The following EPM2A variants were observed in gnomAD, a reference collection of about 807,000 sequenced individuals.
EPM2A encodes the protein laforin.
Under a neutral mutation model 26.5 loss-of-function variants are expected in EPM2A, and 21 were observed. That is an observed-to-expected ratio of 0.79 (90% CI 0.56 to 1.14). The LOEUF (loss-of-function observed/expected upper bound fraction) is 1.14, where lower values mean the gene tolerates loss of function less well. Among genes scored for constraint, EPM2A ranks in the 50% most tolerant of loss-of-function variants. The pLI is 0.00. For synonymous variants in EPM2A, 217 were observed against 177.6 expected, an observed-to-expected ratio of 1.22 and a Z score of -1.76; for missense variants, 458 against 440.8, an observed-to-expected ratio of 1.04 and a Z score of -0.35.
chr6:145,554,181 A>G (rs1780690506), intron 2 of EPM2A, among the ~76,000 whole-genome samples: 1 of 151,966 alleles, frequency 6.6e-6, no homozygotes, highest in Non-Finnish European at 1.5e-5. Context: ...AGGGGAAATA[A>G]AAACATCCCC....
intron 1 of EPM2A, among the ~76,000 whole-genome samples, chr6:145,698,001 T>TCC (rs201790492): frequency 0.035 from 5,401 of 152,266 alleles, 144 homozygotes; most frequent in Middle Eastern, 0.13. Flanking sequence ...GTGATAAGTG[T>TCC]CCATGAAATC....
At chr6:145,470,392 T>A (rs138952146) in intron 4 of EPM2A, among the ~76,000 whole-genome samples, 66 of 152,300 alleles carry the variant, frequency 4.3e-4, no homozygotes, top group African/African-American at 1.5e-3. Context: ...TCATGCTGTA[T>A]GTAGTCCAAA....
intron 4 of EPM2A, among the ~76,000 whole-genome samples, chr6:145,389,172 G>A (rs1778303862): frequency 6.7e-6 from 1 of 149,976 alleles, no homozygotes; most frequent in Non-Finnish European, 1.5e-5. Flanking sequence ...TCCTCCCTTT[G>A]ACTTTTTTTC....
chr6:145,418,067 G>A (rs372500401), intron 4 of EPM2A, among the ~76,000 whole-genome samples: 30 of 152,244 alleles, frequency 2.0e-4, no homozygotes, highest in African/African-American at 6.5e-4. Context: ...TCAGATTCAT[G>A]AGAAGAAGAG....
chr6:145,450,750 T>C (rs1195770690), intron 4 of EPM2A, among the ~76,000 whole-genome samples: 1 of 152,196 alleles, frequency 6.6e-6, no homozygotes, highest in Non-Finnish European at 1.5e-5. Context: ...AGCAGCTCTG[T>C]CTTGTTTCCT....
At chr6:145,622,694 T>C (rs984891776), downstream of EPM2A, among the ~76,000 whole-genome samples, 2 of 152,158 alleles carry the variant, frequency 1.3e-5, no homozygotes, top group Non-Finnish European at 2.9e-5. Flanking sequence ...CACCAGAAGC[T>C]AGAATAGCGG....
chr6:145,527,993 T>G (rs1780302363), intron 2 of EPM2A, among the ~76,000 whole-genome samples: 1 of 152,138 alleles, frequency 6.6e-6, no homozygotes, highest in South Asian at 2.1e-4. Flanking sequence ...GGAAAAAGTT[T>G]TACAAGTCTG....
rs555897958 is a variant in EPM2A, at chr6:145,389,258, C to T, written c.556-5161G>A. ...CTCTGTCACGAGTGCAGTGGCACAT[C>T]GGCTCACTGCAATCTCCGTCTCCTG... is the stretch of plus-strand genomic sequence containing the variant. On this transcript the variant is annotated intron_variant, in intron 4 of 4. Coordinates refer to the EPM2A transcript ENST00000638717. 3.9e-4 allele frequency among the ~76,000 whole-genome samples: 58 copies of T among 150,596 alleles called. 1 individual carries two copies. Among genetic ancestry groups the T allele is most frequent in the African/African-American group, 8.8e-4 (36 of 40,846 alleles).
intron 2 of EPM2A, chr6:145,639,488 T>C (rs932738058): frequency 2.6e-5 from 4 of 152,142 alleles, no homozygotes; most frequent in African/African-American, 4.8e-5. Context: ...ATTAACTAGA[T>C]TGTGTAAGCA....
intron 4 of EPM2A, among the ~76,000 whole-genome samples, chr6:145,404,433 T>C (rs983926288): frequency 4.5e-4 from 65 of 144,276 alleles, no homozygotes; most frequent in African/African-American, 1.6e-3. Flanking sequence ...TAAATGTGTA[T>C]ATGCGTTTGT....
At chr6:145,654,647 C>T (rs976832783) in intron 2 of EPM2A, among the ~76,000 whole-genome samples, 4 of 152,064 alleles carry the variant, frequency 2.6e-5, no homozygotes, top group Admixed American at 1.3e-4. Context: ...TCCGCAGAAA[C>T]GGTAGGTATA....
chr6:145,727,494 A>C lies in EPM2A; in HGVS notation c.301+7704T>G, dbSNP rs1379563193. Among the ~76,000 whole-genome samples the C allele has an allele frequency of 2.0e-5, 3 of 152,006 alleles. No individual in the cohort carries two copies. The East Asian group carries it at 5.8e-4, about 29-fold the overall frequency. On this transcript the variant is annotated intron_variant, in intron 1 of 3. Transcript: ENST00000367519. ...ATTTAATTGAAAGCACCTAAGAAGTAATTAGCCCATGATAAAAAAAAAAAA... is the reference window on the plus strand; with the variant it reads ...ATTTAATTGAAAGCACCTAAGAAGTCATTAGCCCATGATAAAAAAAAAAAA...
intron 3 of EPM2A, among the ~76,000 whole-genome samples, chr6:145,634,346 GCTGCTTC>G (rs1368901295): frequency 6.6e-6 from 1 of 152,106 alleles, no homozygotes; most frequent in Non-Finnish European, 1.5e-5. Flanking sequence ...AGCCTGTGCT[GCTGCTTC>G]CCCCTAGCAT....
In EPM2A at chr6:145,512,387, G is replaced by T. The variant is rs1298281828; in HGVS notation, c.341-9812C>A. Among the ~76,000 whole-genome samples, 3 of 151,974 alleles carry T rather than the reference G, an allele frequency of 2.0e-5. No individual in the cohort carries two copies. The South Asian group carries it at 6.2e-4, about 32-fold the overall frequency. ...CAGCAACTAAAATACCATGGTACTG[G>T]TACTAAAATAGACACACAGATCAAT... On this transcript the variant is annotated intron_variant, in intron 2 of 3. Coordinates refer to the EPM2A transcript ENST00000450221.
At chr6:145,661,964 A>G (rs1778745159) in intron 2 of EPM2A, among the ~76,000 whole-genome samples, 1 of 152,228 alleles carries the variant, frequency 6.6e-6, no homozygotes, top group Non-Finnish European at 1.5e-5. Flanking sequence ...GCAATAAGAC[A>G]CACAAAAAGC....
At chr6:145,559,856 C>G (rs1780781200) in intron 2 of EPM2A, among the ~76,000 whole-genome samples, 1 of 151,906 alleles carries the variant, frequency 6.6e-6, no homozygotes, top group South Asian at 2.1e-4. Context: ...GTCACATAAC[C>G]CAAACTCTTC....
At chr6:145,643,343 A>G (rs997835416) in intron 2 of EPM2A, among the ~76,000 whole-genome samples, 3 of 152,190 alleles carry the variant, frequency 2.0e-5, no homozygotes, top group East Asian at 1.9e-4. Flanking sequence ...CCAAAACTTG[A>G]TAATATCAAG....
intron 4 of EPM2A, among the ~76,000 whole-genome samples, chr6:145,439,017 T>C (rs990354729): frequency 4.6e-5 from 7 of 152,182 alleles, no homozygotes; most frequent in African/African-American, 1.7e-4. Flanking sequence ...TTTCTCTCCA[T>C]GTGTTCTCAT....
intron 2 of EPM2A, among the ~76,000 whole-genome samples, chr6:145,547,037 C>A (rs1027466430): frequency 6.6e-6 from 1 of 152,066 alleles, no homozygotes; most frequent in Non-Finnish European, 1.5e-5. Flanking sequence ...ACCAGTTGTT[C>A]CCTTCTCCAT....
Sources: allele counts gnomAD v4.1 joint callset (sites outside exome capture counted in the v4.1 genomes callset), GRCh38; gene constraint gnomAD v4.1.1; transcripts MANE v1.5; gene names NCBI Gene and HGNC (gene_info 2026-07-23, HGNC 2026-07-21).